PLXDC2: variants seen among roughly 807,000 people sequenced by gnomAD.
PLXDC2 encodes the protein plexin domain-containing protein 2.
A neutral mutation model predicts 68.9 loss-of-function variants in PLXDC2; 40 were observed. That is an observed-to-expected ratio of 0.58 (90% CI 0.45 to 0.76). The LOEUF (loss-of-function observed/expected upper bound fraction) is 0.76, where lower values mean the gene tolerates loss of function less well. PLXDC2 is among the 30% of genes least tolerant of loss of function. The pLI is 0.00. For missense variants in PLXDC2, 644 were observed against 661.9 expected (o/e 0.97, Z 0.30); for synonymous variants, 243 against 234.2 (o/e 1.04, Z -0.34).
intron 4 of PLXDC2, among the ~76,000 whole-genome samples, chr10:20,073,001 G>A (rs1251954705): frequency 1.3e-5 from 2 of 152,118 alleles, no homozygotes; most frequent in African/African-American, 2.4e-5. Context: ...AGGCTTGGAC[G>A]GAAAATGGAA....
chr10:20,125,438 G>A (rs541406396), intron 4 of PLXDC2, among the ~76,000 whole-genome samples: 5 of 152,296 alleles, frequency 3.3e-5, no homozygotes, highest in African/African-American at 1.2e-4. Flanking sequence ...AGTCTTGGAT[G>A]AAGGGCTGGA....
chr10:19,916,895 G>T (rs1277061712), intron 1 of PLXDC2, among the ~76,000 whole-genome samples: 1 of 152,168 alleles, frequency 6.6e-6, no homozygotes, highest in East Asian at 1.9e-4. Flanking sequence ...AATTCCATGT[G>T]TATGCAGAGC....
At chr10:20,058,505 T>C (rs1836041213) in intron 3 of PLXDC2, among the ~76,000 whole-genome samples, 1 of 152,224 alleles carries the variant, frequency 6.6e-6, no homozygotes, top group South Asian at 2.1e-4. Context: ...TTAGCATTTA[T>C]ACAATGCTTA....
intron 4 of PLXDC2, among the ~76,000 whole-genome samples, chr10:20,102,915 C>T (rs992735561): frequency 2.0e-5 from 3 of 152,176 alleles, no homozygotes; most frequent in African/African-American, 7.2e-5. Flanking sequence ...AGGCCCAGCC[C>T]TGGAGTACAT....
chr10:19,862,413 C>G (rs953200088), intron 1 of PLXDC2, among the ~76,000 whole-genome samples: 2 of 152,112 alleles, frequency 1.3e-5, no homozygotes, highest in East Asian at 3.9e-4. Flanking sequence ...TAAGTGCTCA[C>G]TATTTTCAAG....
chr10:20,033,865 C>G (rs1299461534), intron 2 of PLXDC2, among the ~76,000 whole-genome samples: 1 of 152,156 alleles, frequency 6.6e-6, no homozygotes, highest in African/African-American at 2.4e-5. Context: ...GCTATGTTTT[C>G]TCTTTATTAC....
At chr10:20,000,413 T>G (rs190467659) in intron 1 of PLXDC2, among the ~76,000 whole-genome samples, 1 of 152,142 alleles carries the variant, frequency 6.6e-6, no homozygotes, top group Admixed American at 6.5e-5. Flanking sequence ...TCTAACATTC[T>G]ATGAGCTCAA....
intron 1 of PLXDC2, among the ~76,000 whole-genome samples, chr10:19,823,299 TTAAA>T (rs1239557556): frequency 6.6e-6 from 1 of 152,182 alleles, no homozygotes; most frequent in Non-Finnish European, 1.5e-5. Flanking sequence ...ATGAAGACTA[TTAAA>T]TAATTTTGGT....
intron 4 of PLXDC2, among the ~76,000 whole-genome samples, chr10:20,071,633 T>C (rs1836317176): frequency 6.6e-6 from 1 of 152,142 alleles, no homozygotes. Context: ...CAACTGTGAG[T>C]CCATTAAACC....
At chr10:19,898,816 A>G (rs561628359) in intron 1 of PLXDC2, among the ~76,000 whole-genome samples, 1 of 152,306 alleles carries the variant, frequency 6.6e-6, no homozygotes, top group African/African-American at 2.4e-5. Flanking sequence ...ATATATTAAA[A>G]TAAAGCTTGA....
chr10:20,238,662 A>AAAAT (rs1175526348), intron 12 of PLXDC2, among the ~76,000 whole-genome samples: 1,517 of 31,588 alleles, frequency 0.048, 34 homozygotes, highest in Non-Finnish European at 0.083. Flanking sequence ...TCTCAAAAAA[A>AAAAT]ATATATATAT....
intron 9 of PLXDC2, among the ~76,000 whole-genome samples, chr10:20,178,286 G>T (rs1564343346): frequency 6.6e-6 from 1 of 152,066 alleles, no homozygotes; most frequent in Non-Finnish European, 1.5e-5. Flanking sequence ...TGGCAAAGAT[G>T]GTTTTTCAGT....
intron 2 of PLXDC2, among the ~76,000 whole-genome samples, chr10:20,023,588 G>T (rs527327810): frequency 6.6e-6 from 1 of 152,172 alleles, no homozygotes; most frequent in South Asian, 2.1e-4. Flanking sequence ...CACAGCAAGA[G>T]TGCCCTAATC....
At position 20,092,755 on chromosome 10, in the gene PLXDC2, C is replaced by T. The variant is rs562629165; in HGVS notation, c.541+24516C>T. 1.6e-3 allele frequency among the ~76,000 whole-genome samples: 244 copies of T among 151,694 alleles called. 1 individual carries two copies. Among genetic ancestry groups the T allele is most frequent in the African/African-American group, 4.8e-3 (200 of 41,362 alleles). On this transcript the variant is annotated intron_variant, in intron 4 of 13. Transcript: ENST00000377252. ...ATTGTGCTGGATTGTCAAGGTCAGC[C>T]CTAAATGCAGTCACAAGTACTTTAT...
chr10:20,231,754 G>A (rs1835367778), intron 12 of PLXDC2, among the ~76,000 whole-genome samples: 1 of 152,038 alleles, frequency 6.6e-6, no homozygotes, highest in Non-Finnish European at 1.5e-5. Flanking sequence ...AGTGGCTCAT[G>A]CCTGTAATCC....
rs1010078775 is a variant in PLXDC2, at chr10:19,817,055, G to C, written c.-25G>C. 16 of 1,482,244 alleles carry C rather than the reference G, an allele frequency of 1.1e-5. No individual in the cohort carries two copies. Among genetic ancestry groups the C allele is most frequent in the East Asian group, 7.4e-5 (3 of 40,546 alleles). 91.8% of individuals were successfully genotyped at this position (1,482,244 alleles called of 1,614,324 possible). ...GAGCACCGGCGAAGGACTGGCGGGTGGGGTAGGGAGGTGGCGGCGGCGGCA... is the reference window on the plus strand; with the variant it reads ...GAGCACCGGCGAAGGACTGGCGGGTCGGGTAGGGAGGTGGCGGCGGCGGCA... On this transcript the variant is annotated 5_prime_UTR_variant, in exon 1 of 14. Coordinates refer to ENST00000377252, the MANE Select transcript of PLXDC2 (RefSeq NM_032812.9).
chr10:20,232,730 G>A (rs1378845360), intron 12 of PLXDC2, among the ~76,000 whole-genome samples: 1 of 152,146 alleles, frequency 6.6e-6, no homozygotes, highest in Non-Finnish European at 1.5e-5. Context: ...TGTTGGTCGG[G>A]GCTGTTAGGA....
chr10:20,270,135 G>A (rs1835918538), intron 13 of PLXDC2, among the ~76,000 whole-genome samples: 1 of 152,160 alleles, frequency 6.6e-6, no homozygotes. Context: ...GGTCCCAAGG[G>A]AGTTAGAAGA....
At chr10:19,957,195 G>A (rs1361619151) in intron 1 of PLXDC2, among the ~76,000 whole-genome samples, 3 of 152,076 alleles carry the variant, frequency 2.0e-5, no homozygotes, top group Non-Finnish European at 4.4e-5. Context: ...TCTTTGAACT[G>A]GTACTGTGTG....
Sources: allele counts gnomAD v4.1 joint callset (sites outside exome capture counted in the v4.1 genomes callset), GRCh38; gene constraint gnomAD v4.1.1; transcripts MANE v1.5; gene names NCBI Gene and HGNC (gene_info 2026-07-23, HGNC 2026-07-21).